The following CTNS variants were observed in gnomAD, a reference collection of about 807,000 sequenced individuals.
CTNS encodes cystinosin.
Under a neutral mutation model 43.7 loss-of-function variants are expected in CTNS, and 27 were observed. The ratio of observed to expected loss-of-function variants is 0.62; its 90% confidence interval spans 0.46 to 0.85. The LOEUF (loss-of-function observed/expected upper bound fraction) is 0.85, where lower values mean the gene tolerates loss of function less well. Ranked by LOEUF, CTNS falls within the 40% of genes least tolerant of loss-of-function variation. The pLI is 0.00. For synonymous variants in CTNS, 187 were observed against 190.6 expected, an observed-to-expected ratio of 0.98 and a Z score of 0.16; for missense variants, 457 against 475.4, an observed-to-expected ratio of 0.96 and a Z score of 0.36.
chr17:3,642,656 C>T (rs1048803944), intron 3 of CTNS, among the ~76,000 whole-genome samples: 1 of 152,082 alleles, frequency 6.6e-6, no homozygotes, highest in African/African-American at 2.4e-5. Context: ...CCACTGCACT[C>T]CAGCCTGGGT....
At chr17:3,654,235 T>C (rs2076064151) in intron 5 of CTNS, among the ~76,000 whole-genome samples, 1 of 152,150 alleles carries the variant, frequency 6.6e-6, no homozygotes, top group African/African-American at 2.4e-5. Context: ...TTTTGTTAAC[T>C]CGTTTTACAG....
At chr17:3,660,145 C>T (rs2076252303) in intron 11 of CTNS, 91 bp from the exon 12 acceptor site, 1 of 1,579,082 alleles carries the variant, frequency 6.3e-7, no homozygotes, top group African/African-American at 1.3e-5. Flanking sequence ...TTGTGGTTTT[C>T]TGGGACCCCC....
At chr17:3,654,596 G>A (rs183463531) in intron 5 of CTNS, among the ~76,000 whole-genome samples, 11 of 151,166 alleles carry the variant, frequency 7.3e-5, no homozygotes, top group Non-Finnish European at 1.3e-4. Flanking sequence ...CAGGAGAACC[G>A]CTTGAACTCG....
At position 3,641,385 on chromosome 17, in the gene CTNS, T is replaced by TATATATATATATATATATA. The variant is rs57286057; in HGVS notation, c.61+1118_61+1119insATATATATATATATATATA. Among the ~76,000 whole-genome samples, 39 of 41,996 alleles carry TATATATATATATATATATA rather than the reference T, an allele frequency of 9.3e-4. 1 individual carries two copies. Among genetic ancestry groups the TATATATATATATATATATA allele is most frequent in the East Asian group, 1.6e-3 (1 of 630 alleles). 27.6% of individuals were successfully genotyped at this position (41,996 alleles called of 152,430 possible). A position where few individuals can be genotyped will look rare whatever the true frequency, so the allele number is the denominator to read the frequency against. The stretch of plus-strand genomic sequence containing the variant: ...ATATATATATATATATATATATATA[T>TATATATATATATATATATA]TTTTTTTTTTTTTTTTTTTTTTTTG... On this transcript the variant is annotated intron_variant, in intron 3 of 11. Transcript: ENST00000046640.
At position 3,658,149 on chromosome 17, in the gene CTNS, G is replaced by A. The variant is rs2076199655; in HGVS notation, c.826G>A (p.Val276Ile). 1 of 1,612,108 alleles carries A rather than the reference G, an allele frequency of 6.2e-7. No homozygotes were observed. The highest frequency in any genetic ancestry group is 8.5e-7 in the Non-Finnish European group (1 of 1,179,794). Residue 276 changes from valine to isoleucine, a missense_variant, in exon 10 of 12, where the codon GTC (valine) becomes ATC (isoleucine). Coordinates refer to ENST00000046640, the MANE Select transcript of CTNS (RefSeq NM_004937.3). The part of the protein sequence containing the change: ...LFCFSYIKLA[V>I]TLVKYFPQAY... ...CTGCTTCTCCTACATCAAGCTCGCA[G>A]TCACGCTGGTCAAGTATTTTCCACA...
intron 11 of CTNS, 69 bp downstream of exon 11, chr17:3,660,044 C>A: frequency 1.3e-6 from 2 of 1,505,022 alleles, no homozygotes; most frequent in Non-Finnish European, 1.8e-6. Context: ...CTTCCCGGGA[C>A]CTTCCAGCCA....
chr17:3,642,015 G>A (rs1281816714), intron 3 of CTNS, among the ~76,000 whole-genome samples: 1 of 131,674 alleles, frequency 7.6e-6, no homozygotes, highest in Non-Finnish European at 1.7e-5. Context: ...GCCTGGGAGT[G>A]TGCGCGCGCG....
rs904943634 is a variant in CTNS, at chr17:3,658,972, G to C, written c.852+797G>C. On this transcript the variant is annotated intron_variant, in intron 10 of 11. Transcript: ENST00000046640. ...GCTGGGGTCAGGTCCCGGGAGCTGG[G>C]GGGGGCTTCCGAGGAGGGGAAGGTT... 2.2e-4 allele frequency among the ~76,000 whole-genome samples: 34 copies of C among 152,324 alleles called. 3 individuals are homozygous for C. In the Middle Eastern group the frequency reaches 0.017, roughly 76 times the overall value.
In CTNS at chr17:3,648,898, C is replaced by CA. The variant is rs2075908329; in HGVS notation, c.197dup (p.Asn66LysfsTer6). The stretch of plus-strand genomic sequence containing the variant: ...TCACTTTTGAAATCACATTTCGTTC[C>CA]AAAAATATTACTATCCTTGAGCTCC... On this transcript the variant is annotated frameshift_variant, in exon 5 of 12. Coordinates refer to ENST00000046640, the MANE Select transcript of CTNS (RefSeq NM_004937.3). LOFTEE classifies it high-confidence loss of function. 1 of 1,613,786 alleles carries CA rather than the reference C, an allele frequency of 6.2e-7. No homozygotes were observed.
intron 9 of CTNS, 92 bp from the exon 10 acceptor site, chr17:3,657,913 C>G: frequency 6.7e-7 from 1 of 1,495,340 alleles, no homozygotes; most frequent in Non-Finnish European, 9.2e-7. Flanking sequence ...CTCCGTGCCC[C>G]TCTCTAAGCC....
chr17:3,645,258 G>T (rs2075817634), intron 3 of CTNS, among the ~76,000 whole-genome samples: 1 of 152,236 alleles, frequency 6.6e-6, no homozygotes, highest in Admixed American at 6.5e-5. Context: ...TTGCCGCTCT[G>T]AGCACCTTGG....
chr17:3,645,823 G>A (rs941074288), intron 3 of CTNS, among the ~76,000 whole-genome samples: 9 of 146,426 alleles, frequency 6.1e-5, no homozygotes, highest in African/African-American at 2.3e-4. Flanking sequence ...TCATGCCACT[G>A]CACTCCAGCC....
Position 3,659,192 on chromosome 17 carries a change from C to CGG in CTNS, c.853-661_853-660dup, listed in dbSNP as rs3837857. Among the ~76,000 whole-genome samples the CGG allele has an allele frequency of 6.0e-5, 9 of 151,160 alleles. No homozygotes were observed. In the South Asian group the frequency reaches 1.7e-3, roughly 28 times the overall value. On this transcript the variant is annotated intron_variant, in intron 10 of 11. Coordinates refer to ENST00000046640, the MANE Select transcript of CTNS (RefSeq NM_004937.3). ...ACCAGAGAGGCCAGGACCTGCCTCA[C>CGG]GGGGGGAAGGAAAGGTCACAGCAGT...
intron 3 of CTNS, among the ~76,000 whole-genome samples, chr17:3,642,460 G>A (rs1438895206): frequency 6.6e-6 from 1 of 152,116 alleles, no homozygotes; most frequent in Non-Finnish European, 1.5e-5. Context: ...GGCCAAGGTG[G>A]GTGGATCTCT....
intron 5 of CTNS, among the ~76,000 whole-genome samples, chr17:3,653,480 G>A (rs528480864): frequency 6.6e-6 from 1 of 152,286 alleles, no homozygotes; most frequent in South Asian, 2.1e-4. Flanking sequence ...CTGCAATATG[G>A]GTGGAGTATT....
chr17:3,661,555 G>C lies in CTNS; in HGVS notation c.*1186G>C, dbSNP rs977709580. 1 of 152,268 alleles carries C rather than the reference G, an allele frequency of 6.6e-6. No homozygotes were observed. Among genetic ancestry groups the C allele is most frequent in the Non-Finnish European group, 1.5e-5 (1 of 68,118 alleles). 9.4% of individuals were successfully genotyped at this position (152,268 alleles called of 1,614,324 possible). On this transcript the variant is annotated 3_prime_UTR_variant, in exon 12 of 12. Transcript: ENST00000046640. Reference sequence around the variant, plus strand: ...CTTCCTTTCTGCACTCTGTGTGCTCGATACAGAAGGCAGGTGTGCTGGCCT... The same window carrying C: ...CTTCCTTTCTGCACTCTGTGTGCTCCATACAGAAGGCAGGTGTGCTGGCCT...
At chr17:3,654,591 G>A (rs2076076820) in intron 5 of CTNS, among the ~76,000 whole-genome samples, 3 of 150,536 alleles carry the variant, frequency 2.0e-5, no homozygotes, top group Non-Finnish European at 4.4e-5. Context: ...TAAGGCAGGA[G>A]AACCGCTTGA....
chr17:3,647,663 A>G, intron 4 of CTNS, 141 bp downstream of exon 4: 1 of 788,330 alleles, frequency 1.3e-6, no homozygotes, highest in Admixed American at 2.0e-5. Flanking sequence ...AGAAAAAGGG[A>G]TGGTGCTAGC....
At chr17:3,658,868 C>T (rs1567714877) in intron 10 of CTNS, among the ~76,000 whole-genome samples, 1 of 152,152 alleles carries the variant, frequency 6.6e-6, no homozygotes, top group Admixed American at 6.5e-5. Flanking sequence ...CCAGCCTGCA[C>T]AGAGGCTGGG....
Sources: allele counts gnomAD v4.1 joint callset (sites outside exome capture counted in the v4.1 genomes callset), GRCh38; gene constraint gnomAD v4.1.1; transcripts MANE v1.5; gene names NCBI Gene and HGNC (gene_info 2026-07-23, HGNC 2026-07-21).